SPOCK1: variants seen among roughly 807,000 people sequenced by gnomAD.
SPOCK1 encodes testican-1.
SPOCK1 carries 23 observed loss-of-function variants against 55.3 expected under a neutral mutation model. That is an observed-to-expected ratio of 0.42 (90% confidence interval 0.30 to 0.59). The LOEUF (loss-of-function observed/expected upper bound fraction) is 0.59, where lower values mean the gene tolerates loss of function less well. Among genes scored for constraint, SPOCK1 ranks in the 20% least tolerant of loss-of-function variants. SPOCK1 has a pLI of 0.22. For missense variants in SPOCK1, 499 were observed against 552.5 expected (o/e 0.90, Z 0.97); for synonymous variants, 226 against 221.0 (o/e 1.02, Z -0.20).
At chr5:137,247,674 T>C (rs115853235) in intron 3 of SPOCK1, among the ~76,000 whole-genome samples, 3,291 of 152,312 alleles carry the variant, frequency 0.022, 53 homozygotes, top group Non-Finnish European at 0.031. Context: ...AAGAAGTTTA[T>C]TTAGCTCAAG....
At chr5:137,422,540 T>C (rs903445356) in intron 2 of SPOCK1, among the ~76,000 whole-genome samples, 2 of 152,236 alleles carry the variant, frequency 1.3e-5, no homozygotes, top group African/African-American at 4.8e-5. Flanking sequence ...TCATTTGATC[T>C]TCCATCACTG....
chr5:137,198,029 T>G (rs1755336789), intron 3 of SPOCK1, among the ~76,000 whole-genome samples: 2 of 152,164 alleles, frequency 1.3e-5, no homozygotes, highest in South Asian at 2.1e-4. Flanking sequence ...TAATAGAGTG[T>G]TTTTTTCGTT....
chr5:137,370,019 G>A (rs1229704), intron 2 of SPOCK1, among the ~76,000 whole-genome samples: 7,187 of 152,174 alleles, frequency 0.047, 226 homozygotes, highest in Middle Eastern at 0.095. Flanking sequence ...GGATCCCACA[G>A]GTACACCTCC....
chr5:137,477,283 T>TG (rs1289743681), intron 2 of SPOCK1, among the ~76,000 whole-genome samples: 2 of 152,212 alleles, frequency 1.3e-5, no homozygotes, highest in African/African-American at 4.8e-5. Context: ...ATGGCTATCT[T>TG]GGGGTGACAG....
chr5:137,068,634 G>A (rs1163046338), intron 5 of SPOCK1, among the ~76,000 whole-genome samples: 1 of 152,162 alleles, frequency 6.6e-6, no homozygotes, highest in Non-Finnish European at 1.5e-5. Flanking sequence ...ACAATTATCA[G>A]CATTTGTATT....
chr5:137,410,500 G>C (rs765354502), intron 2 of SPOCK1, among the ~76,000 whole-genome samples: 9 of 152,354 alleles, frequency 5.9e-5, no homozygotes, highest in Non-Finnish European at 1.0e-4. Flanking sequence ...CTCATTGGCT[G>C]CATGGATCAC....
At chr5:137,272,999 A>G (rs1166724423) in intron 2 of SPOCK1, among the ~76,000 whole-genome samples, 1 of 152,168 alleles carries the variant, frequency 6.6e-6, no homozygotes, top group Non-Finnish European at 1.5e-5. Flanking sequence ...CCCTGAATAG[A>G]GCAATTCTTT....
chr5:137,226,781 T>A (rs1303574382), intron 3 of SPOCK1, among the ~76,000 whole-genome samples: 1 of 152,234 alleles, frequency 6.6e-6, no homozygotes, highest in Non-Finnish European at 1.5e-5. Flanking sequence ...TTGTCCTTTA[T>A]CCAGTTTAAG....
At chr5:137,059,029 T>A (rs1752347732) in intron 6 of SPOCK1, among the ~76,000 whole-genome samples, 1 of 152,192 alleles carries the variant, frequency 6.6e-6, no homozygotes. Context: ...GACTACATAA[T>A]CTGATTTACA....
chr5:137,053,246 C>T (rs1368473411), intron 6 of SPOCK1, among the ~76,000 whole-genome samples: 2 of 152,022 alleles, frequency 1.3e-5, no homozygotes, highest in African/African-American at 2.4e-5. Flanking sequence ...GCACAGGGCG[C>T]CAGAGGGCAA....
intron 3 of SPOCK1, among the ~76,000 whole-genome samples, chr5:137,216,182 G>A (rs1755712416): frequency 6.6e-6 from 1 of 152,162 alleles, no homozygotes; most frequent in Non-Finnish European, 1.5e-5. Flanking sequence ...GACAGAATGG[G>A]TGACACATTC....
At chr5:137,094,771 A>G (rs959659459) in intron 5 of SPOCK1, among the ~76,000 whole-genome samples, 2 of 152,224 alleles carry the variant, frequency 1.3e-5, no homozygotes, top group African/African-American at 4.8e-5. Flanking sequence ...AAAATTTCTC[A>G]GTAGCAATGT....
At position 136,976,652 on chromosome 5, in the gene SPOCK1, TCA is replaced by T. The variant is rs1750620056; in HGVS notation, c.*2000_*2001del. On this transcript the variant is annotated 3_prime_UTR_variant, in exon 11 of 11. Coordinates refer to ENST00000394945, the MANE Select transcript of SPOCK1 (RefSeq NM_004598.4). ...TTAAGCACCTGTTTTCTAAATTATC[TCA>T]GTTTTGTTCAAGAGAGAAAAAAAAT... 1 of 152,754 alleles carries T rather than the reference TCA, an allele frequency of 6.5e-6. No homozygotes were observed. Among genetic ancestry groups the T allele is most frequent in the African/African-American group, 2.4e-5 (1 of 41,576 alleles). The allele number at this position is 152,754 out of a possible 1,614,324, so 9.5% of individuals were successfully genotyped here. A position where few individuals can be genotyped will look rare whatever the true frequency, so the allele number is the denominator to read the frequency against.
chr5:137,079,042 G>A (rs957352325), intron 5 of SPOCK1, among the ~76,000 whole-genome samples: 3 of 152,066 alleles, frequency 2.0e-5, no homozygotes, highest in South Asian at 2.1e-4. Context: ...ACTCCCCCTC[G>A]GTCTCCTCGG....
At chr5:137,456,215 C>T (rs886123128) in intron 2 of SPOCK1, among the ~76,000 whole-genome samples, 4 of 152,092 alleles carry the variant, frequency 2.6e-5, no homozygotes, top group South Asian at 2.1e-4. Flanking sequence ...TAATTATCAC[C>T]GCCCCTCAGT....
At chr5:137,042,901 A>AT (rs1331839215) in intron 6 of SPOCK1, among the ~76,000 whole-genome samples, 6 of 152,170 alleles carry the variant, frequency 3.9e-5, no homozygotes, top group Admixed American at 6.5e-5. Flanking sequence ...ATACACATAT[A>AT]TATTCCCTTG....
chr5:137,133,882 G>C (rs1643275690), intron 4 of SPOCK1, among the ~76,000 whole-genome samples: 1 of 151,722 alleles, frequency 6.6e-6, no homozygotes, highest in Non-Finnish European at 1.5e-5. Flanking sequence ...GCTTTGCGAG[G>C]GGCAAGGATT....
At chr5:137,247,684 G>C (rs1052904470) in intron 3 of SPOCK1, among the ~76,000 whole-genome samples, 5 of 152,174 alleles carry the variant, frequency 3.3e-5, no homozygotes, top group African/African-American at 1.2e-4. Flanking sequence ...TTTAGCTCAA[G>C]GTTCTACAGA....
rs186797056 is a variant in SPOCK1 at position 137,018,127 on chromosome 5, C to T, written c.590-25527G>A. Among the ~76,000 whole-genome samples, 33 of 152,314 alleles carry T rather than the reference C, an allele frequency of 2.2e-4. No individual in the cohort carries two copies. In the East Asian group the frequency reaches 4.6e-3, roughly 21 times the overall value. On this transcript the variant is annotated intron_variant, in intron 6 of 10. Coordinates refer to ENST00000394945, the MANE Select transcript of SPOCK1 (RefSeq NM_004598.4). ...TTCATAACTGGAACAGTGCTACCAG[C>T]ATCTTGTGGGTAGAGGCCAGGGATG...
Sources: allele counts gnomAD v4.1 joint callset (sites outside exome capture counted in the v4.1 genomes callset), GRCh38; gene constraint gnomAD v4.1.1; transcripts MANE v1.5; gene names NCBI Gene and HGNC (gene_info 2026-07-23, HGNC 2026-07-21).